The following ABL2 variants were observed in gnomAD, a reference collection of about 807,000 sequenced individuals.
ABL2 encodes tyrosine-protein kinase ABL2.
A neutral mutation model predicts 107.7 loss-of-function variants in ABL2; 49 were observed. The observed-to-expected ratio is 0.45, with a 90% CI of 0.36 to 0.58. ABL2 has a LOEUF of 0.58. Ranked by LOEUF, ABL2 falls within the 20% of genes least tolerant of loss-of-function variation. The probability of loss-of-function intolerance (pLI) is 0.00; values close to 1 mark genes in which losing one functional copy is unlikely to be tolerated. For synonymous variants in ABL2, 549 were observed against 548.6 expected, an observed-to-expected ratio of 1.00 and a Z score of -0.01; for missense variants, 1,245 against 1,457.0, an observed-to-expected ratio of 0.85 and a Z score of 2.37.
intron 1 of ABL2, among the ~76,000 whole-genome samples, chr1:179,183,446 C>G (rs1344386066): frequency 6.6e-6 from 1 of 152,100 alleles, no homozygotes; most frequent in African/African-American, 2.4e-5. Flanking sequence ...TAAAGGAAGA[C>G]AATCACAAGG....
chr1:179,190,336 T>C (rs1660928322), intron 1 of ABL2, among the ~76,000 whole-genome samples: 1 of 152,242 alleles, frequency 6.6e-6, no homozygotes, highest in African/African-American at 2.4e-5. Context: ...TACGTTTACT[T>C]ATTTATTATA....
Position 179,118,766 on chromosome 1 carries a change from T to C in ABL2, c.1046-2A>G. 6.2e-7 allele frequency: 1 copy of C among 1,613,360 alleles called. No individual in the cohort carries two copies. The highest frequency in any genetic ancestry group is 8.5e-7 in the Non-Finnish European group (1 of 1,179,640). ...ATGGTGGCTCCAAAGTACACACACC[T>C]AAAAGTTGAACAATAGTGCTTGTTT... is the stretch of plus-strand genomic sequence containing the variant. On this transcript the variant is annotated splice_acceptor_variant, in intron 6 of 11. Transcript: ENST00000502732. LOFTEE classifies it high-confidence loss of function.
rs766993490 is a variant in ABL2 at position 179,108,673 on chromosome 1, G to C, written c.2594C>G (p.Pro865Arg). ...RGATALPLRTPSGDLAITEKD... is the reference protein window; with the variant it reads ...RGATALPLRTRSGDLAITEKD... Reference sequence around the variant, plus strand: ...CTCTGTAATGGCTAGATCCCCAGAGGGTGTTCTGAGAGGAAGAGCTGTGGC... The same window carrying C: ...CTCTGTAATGGCTAGATCCCCAGAGCGTGTTCTGAGAGGAAGAGCTGTGGC... The change falls in exon 12 of 12, where the codon CCC becomes CGC. Residue 865 changes from proline (P) to arginine (R), a missense_variant. By Grantham distance (103) the Pro-to-Arg change is moderately radical. Around this residue, in one of 3 missense-constraint regions of ABL2, gnomAD observed 761 missense variants for 766.4 expected, o/e 0.99. Transcript: ENST00000502732. The C allele has an allele frequency of 6.8e-6, 11 of 1,614,082 alleles. No individual in the cohort carries two copies. In the South Asian group the frequency reaches 8.8e-5, roughly 13 times the overall value.
chr1:179,223,233 A>G (rs1282333957), intron 1 of ABL2, among the ~76,000 whole-genome samples: 1 of 151,828 alleles, frequency 6.6e-6, no homozygotes, highest in Non-Finnish European at 1.5e-5. Context: ...GGCCCAGTAC[A>G]GCAAGACCCC....
chr1:179,147,948 T>C (rs1395511529), intron 1 of ABL2, among the ~76,000 whole-genome samples: 3 of 152,218 alleles, frequency 2.0e-5, no homozygotes, highest in African/African-American at 7.2e-5. Flanking sequence ...ATTCTTTGCT[T>C]TACTGTGCTT....
chr1:179,186,480 G>C (rs1327162321), intron 1 of ABL2, among the ~76,000 whole-genome samples: 1 of 151,996 alleles, frequency 6.6e-6, no homozygotes. Flanking sequence ...CTGAGTTCAA[G>C]CGATTCTCCT....
chr1:179,118,584 C>T lies in ABL2; in HGVS notation c.1223+3G>A, dbSNP rs933186968. 6.2e-7 allele frequency: 1 copy of T among 1,611,188 alleles called. No individual in the cohort carries two copies. The highest frequency in any genetic ancestry group is 1.7e-5 in the Admixed American group (1 of 59,666). ...TGGTTGGTCAGAGGTAAGTTTTACA[C>T]ACCTATGGATGAAATTCTTCTTCTC... On this transcript the variant is annotated splice_donor_region_variant and intron_variant, in intron 7 of 11. Coordinates refer to ENST00000502732, the MANE Select transcript of ABL2 (RefSeq NM_007314.4).
chr1:179,212,319 C>T (rs1662320315), intron 1 of ABL2, among the ~76,000 whole-genome samples: 1 of 152,220 alleles, frequency 6.6e-6, no homozygotes, highest in Admixed American at 6.5e-5. Context: ...ATATATCAAT[C>T]ATTTAAATAC....
At chr1:179,133,489 C>T (rs1656545796) in intron 1 of ABL2, 115 bp from the exon 2 acceptor site, 2 of 1,536,884 alleles carry the variant, frequency 1.3e-6, no homozygotes, top group African/African-American at 1.4e-5. Context: ...CAGGTCTCTA[C>T]CTACTTCTCC....
chr1:179,194,004 C>T (rs1661168291), intron 1 of ABL2, among the ~76,000 whole-genome samples: 1 of 152,114 alleles, frequency 6.6e-6, no homozygotes, highest in Non-Finnish European at 1.5e-5. Flanking sequence ...GATTTTCTTC[C>T]TAAGTACTGG....
At chr1:179,228,892 G>T (rs1267282041) in intron 1 of ABL2, among the ~76,000 whole-genome samples, 16 of 152,054 alleles carry the variant, frequency 1.1e-4, no homozygotes, top group Admixed American at 9.8e-4. Flanking sequence ...TCCCACCTCT[G>T]GGACTGAGCT....
rs149971150 is a variant in ABL2 at position 179,221,085 on chromosome 1, A to AC, written c.157+8155dup. On this transcript the variant is annotated intron_variant, in intron 1 of 11. Coordinates refer to ENST00000502732, the MANE Select transcript of ABL2 (RefSeq NM_007314.4). ...AAATCCAATTCTGGTTATCCTAGTG[A>AC]CCTCCCACCCCTCAGATGTGAAAGC... is the stretch of plus-strand genomic sequence containing the variant. 2.5e-3 allele frequency: 597 copies of AC among 240,982 alleles called. 1 individual carries two copies. The highest frequency in any genetic ancestry group is 3.4e-3 in the Middle Eastern group (7 of 2,030). 14.9% of individuals were successfully genotyped at this position (240,982 alleles called of 1,614,324 possible). A position where few individuals can be genotyped will look rare whatever the true frequency, so the allele number is the denominator to read the frequency against.
intron 1 of ABL2, among the ~76,000 whole-genome samples, chr1:179,144,601 A>G (rs1181437201): frequency 2.6e-5 from 4 of 152,250 alleles, no homozygotes; most frequent in Non-Finnish European, 5.9e-5. Flanking sequence ...ATAGGATGAC[A>G]GGACTGAAAC....
chr1:179,189,955 G>T (rs1660903472), intron 1 of ABL2, among the ~76,000 whole-genome samples: 2 of 152,034 alleles, frequency 1.3e-5, no homozygotes, highest in South Asian at 4.2e-4. Flanking sequence ...TGAGTAGCTG[G>T]AATTACAGGC....
At chr1:179,206,154 T>C (rs1661958241) in intron 1 of ABL2, among the ~76,000 whole-genome samples, 1 of 152,180 alleles carries the variant, frequency 6.6e-6, no homozygotes, top group Non-Finnish European at 1.5e-5. Flanking sequence ...TACATTATAA[T>C]GTATACATGT....
In ABL2 at chr1:179,108,599, C is replaced by T. The variant is rs1245175509; in HGVS notation, c.2668G>A (p.Gly890Ser). 6.2e-7 allele frequency: 1 copy of T among 1,614,112 alleles called. No individual in the cohort carries two copies. The highest frequency in any genetic ancestry group is 1.1e-5 in the South Asian group (1 of 91,082). ...GVAGVAAAPKGKEKNGGARLG... is the reference protein window; with the variant it reads ...GVAGVAAAPKSKEKNGGARLG... ...CGTGCCCCACCATTCTTCTCTTTAC[C>T]CTTGGGGGCAGCTGCCACTCCAGCC... is the stretch of plus-strand genomic sequence containing the variant. The change falls in exon 12 of 12, where the codon GGT becomes AGT. Residue 890 changes from glycine to serine, a missense_variant. Transcript: ENST00000502732.
chr1:179,168,003 A>ACAG lies in ABL2; in HGVS notation c.158-34630_158-34629insCTG, dbSNP rs1346202415. 5.3e-5 allele frequency among the ~76,000 whole-genome samples: 8 copies of ACAG among 152,276 alleles called. No individual in the cohort carries two copies. In the East Asian group the frequency reaches 1.5e-3, roughly 29 times the overall value. On this transcript the variant is annotated intron_variant, in intron 1 of 11. Coordinates refer to ENST00000502732, the MANE Select transcript of ABL2 (RefSeq NM_007314.4). Reference sequence around the variant, plus strand: ...CAAAAACAAACAAACAACAACAACAACAAATTAAAAGAGAAATACAAATCC... The same window carrying ACAG: ...CAAAAACAAACAAACAACAACAACAACAGCAAATTAAAAGAGAAATACAAATCC...
At chr1:179,127,738 G>A (rs913677432) in intron 3 of ABL2, among the ~76,000 whole-genome samples, 14 of 152,050 alleles carry the variant, frequency 9.2e-5, no homozygotes, top group African/African-American at 3.4e-4. Flanking sequence ...TCAATCAAAA[G>A]CACATGGCCA....
intron 1 of ABL2, among the ~76,000 whole-genome samples, chr1:179,146,507 T>A (rs910307153): frequency 1.3e-5 from 2 of 152,132 alleles, no homozygotes; most frequent in East Asian, 3.9e-4. Flanking sequence ...TATGTGCATA[T>A]ATATAATGAG....
Sources: gnomAD v4.1 joint callset for allele counts (sites outside exome capture counted in the v4.1 genomes callset) on GRCh38, gnomAD v4.1.1 for gene constraint, gnomAD v4.1.1 regional missense constraint, MANE v1.5 for transcripts, NCBI Gene and HGNC (gene_info 2026-07-23, HGNC 2026-07-21) for gene names.